The following ZNF804A variants were observed in gnomAD, a reference collection of about 807,000 sequenced individuals.
The protein encoded by ZNF804A is zinc finger protein 804A.
Under a neutral mutation model 16.5 loss-of-function variants are expected in ZNF804A, and 2 were observed. That is an observed-to-expected ratio of 0.12 (90% CI 0.05 to 0.38). ZNF804A has a LOEUF of 0.38. ZNF804A is among the 10% of genes least tolerant of loss of function. ZNF804A has a pLI of 0.99. For synonymous variants in ZNF804A, 534 were observed against 489.6 expected (o/e 1.09, Z -1.20); for missense variants, 1,473 against 1,390.7 (o/e 1.06, Z -0.94).
chr2:184,736,955 T>C (rs1357133698), intron 1 of ZNF804A, among the ~76,000 whole-genome samples: 6 of 152,044 alleles, frequency 3.9e-5, no homozygotes, highest in Non-Finnish European at 8.8e-5. Flanking sequence ...TTTTCTGTTT[T>C]AAAGAATATA....
At chr2:184,805,361 G>A (rs1558966692) in intron 1 of ZNF804A, among the ~76,000 whole-genome samples, 4 of 152,158 alleles carry the variant, frequency 2.6e-5, no homozygotes, top group Middle Eastern at 3.4e-3. Context: ...ATGATATAAT[G>A]TCTTAGTACT....
intron 1 of ZNF804A, among the ~76,000 whole-genome samples, chr2:184,847,713 A>T (rs1260124059): frequency 2.0e-5 from 3 of 151,984 alleles, no homozygotes; most frequent in Admixed American, 6.6e-5. Flanking sequence ...GTCCCATAAG[A>T]CTGTTCCCAT....
chr2:184,925,531 G>A (rs1171451229), intron 2 of ZNF804A, among the ~76,000 whole-genome samples: 1 of 151,662 alleles, frequency 6.6e-6, no homozygotes, highest in Non-Finnish European at 1.5e-5. Flanking sequence ...TTTAGTCCAT[G>A]TATGCTTAAT....
At chr2:184,599,367 A>G (rs1168132666) in intron 1 of ZNF804A, among the ~76,000 whole-genome samples, 2 of 152,152 alleles carry the variant, frequency 1.3e-5, no homozygotes. Flanking sequence ...CTGTTTAAAG[A>G]GAAAAGAAAA....
intron 1 of ZNF804A, among the ~76,000 whole-genome samples, chr2:184,752,531 G>A (rs1693892053): frequency 6.6e-6 from 1 of 151,392 alleles, no homozygotes; most frequent in South Asian, 2.1e-4. Flanking sequence ...CAGGTACAAT[G>A]TTCACTATTT....
chr2:184,676,331 A>G (rs1384908508), intron 1 of ZNF804A, among the ~76,000 whole-genome samples: 2 of 151,574 alleles, frequency 1.3e-5, no homozygotes, highest in African/African-American at 4.8e-5. Flanking sequence ...CAAACATTAG[A>G]AATATGTTTG....
intron 1 of ZNF804A, among the ~76,000 whole-genome samples, chr2:184,845,256 T>C (rs1382597536): frequency 6.6e-6 from 1 of 152,132 alleles, no homozygotes; most frequent in Non-Finnish European, 1.5e-5. Context: ...TTTCCTTAAC[T>C]GTTAGTGTGC....
intron 1 of ZNF804A, among the ~76,000 whole-genome samples, chr2:184,863,487 T>TC (rs1695830011): frequency 6.6e-6 from 1 of 151,708 alleles, no homozygotes; most frequent in Non-Finnish European, 1.5e-5. Flanking sequence ...GCTAAAAACC[T>TC]CCCCACTTTT....
intron 1 of ZNF804A, among the ~76,000 whole-genome samples, chr2:184,704,644 G>T (rs564359852): frequency 6.6e-6 from 1 of 152,306 alleles, no homozygotes; most frequent in African/African-American, 2.4e-5. Context: ...TTGAACTTTG[G>T]TTAATAGAAT....
At chr2:184,678,702 C>T (rs965825825) in intron 1 of ZNF804A, among the ~76,000 whole-genome samples, 2 of 152,042 alleles carry the variant, frequency 1.3e-5, no homozygotes, top group African/African-American at 4.8e-5. Context: ...ACCTCAAAAG[C>T]CAAGGATAAA....
intron 1 of ZNF804A, among the ~76,000 whole-genome samples, chr2:184,711,014 T>A (rs747946630): frequency 6.6e-6 from 1 of 151,850 alleles, no homozygotes; most frequent in African/African-American, 2.4e-5. Context: ...ATTTTGGATA[T>A]ATATCCAGAA....
intron 2 of ZNF804A, among the ~76,000 whole-genome samples, chr2:184,893,690 CACA>C (rs1381526677): frequency 1.3e-5 from 2 of 152,012 alleles, no homozygotes; most frequent in Non-Finnish European, 2.9e-5. Context: ...ATGTGGAGTA[CACA>C]ACATTTGAAA....
intron 1 of ZNF804A, among the ~76,000 whole-genome samples, chr2:184,743,750 T>A (rs1693741478): frequency 6.6e-6 from 1 of 151,940 alleles, no homozygotes; most frequent in Admixed American, 6.6e-5. Flanking sequence ...AATGGTGGTA[T>A]ATTTTGTATA....
intron 1 of ZNF804A, among the ~76,000 whole-genome samples, chr2:184,615,781 C>G (rs1691309736): frequency 6.6e-6 from 1 of 152,114 alleles, no homozygotes; most frequent in Non-Finnish European, 1.5e-5. Context: ...AAGGGACATT[C>G]AGAGGTAGGA....
At chr2:184,855,306 A>T (rs1695669030) in intron 1 of ZNF804A, among the ~76,000 whole-genome samples, 1 of 152,064 alleles carries the variant, frequency 6.6e-6, no homozygotes, top group Non-Finnish European at 1.5e-5. Flanking sequence ...TTGCCTTAAC[A>T]AAAAAGGCAT....
chr2:184,599,025 G>A lies in ZNF804A; in HGVS notation c.66G>A (p.Lys22=), dbSNP rs751818484. 1 of 1,614,120 alleles carries A rather than the reference G, an allele frequency of 6.2e-7. No individual in the cohort carries two copies. The highest frequency in any genetic ancestry group is 1.7e-5 in the Admixed American group (1 of 60,018). The change falls in exon 1 of 4, where the codon AAG becomes AAA. Residue 22 remains lysine (K), a synonymous_variant. Coordinates refer to ENST00000302277, the MANE Select transcript of ZNF804A (RefSeq NM_194250.2). The part of the protein sequence containing the change: ...HLSNGHFRNI[K]GVFRGPLSKN... ...GCAACGGACACTTTCGCAACATCAAGGGAGTTTTCCGGGGCCCTCTCAGCA... is the reference window on the plus strand; with the variant it reads ...GCAACGGACACTTTCGCAACATCAAAGGAGTTTTCCGGGGCCCTCTCAGCA...
At chr2:184,861,924 C>A (rs1424415898) in intron 1 of ZNF804A, among the ~76,000 whole-genome samples, 1 of 152,160 alleles carries the variant, frequency 6.6e-6, no homozygotes, top group Non-Finnish European at 1.5e-5. Flanking sequence ...TATATGCATA[C>A]TGCTTCCCTA....
At position 184,814,564 on chromosome 2, in the gene ZNF804A, G is replaced by A. The variant is rs188632324; in HGVS notation, c.112-51805G>A. Among the ~76,000 whole-genome samples the A allele has an allele frequency of 4.3e-3, 655 of 152,106 alleles. 2 individuals carry two copies. Among genetic ancestry groups the A allele is most frequent in the Non-Finnish European group, 6.9e-3 (471 of 67,954 alleles). ...ACACCTAATTGTCTCCACATTATAG[G>A]AAATGAGAAAGTTGTCATGGAAAGG... On this transcript the variant is annotated intron_variant, in intron 1 of 3. Transcript: ENST00000302277.
At chr2:184,898,125 G>T (rs570404234) in intron 2 of ZNF804A, among the ~76,000 whole-genome samples, 1 of 152,192 alleles carries the variant, frequency 6.6e-6, no homozygotes, top group South Asian at 2.1e-4. Flanking sequence ...ATCTAAACAT[G>T]TCAGTTTTTA....
Sources: allele counts gnomAD v4.1 joint callset (sites outside exome capture counted in the v4.1 genomes callset), GRCh38; gene constraint gnomAD v4.1.1; transcripts MANE v1.5; gene names NCBI Gene and HGNC (gene_info 2026-07-23, HGNC 2026-07-21).